Variants in OPRM1 observed in about 807,000 individuals in gnomAD.
The protein encoded by OPRM1 is mu-type opioid receptor.
A neutral mutation model predicts 31.8 loss-of-function variants in OPRM1; 27 were observed. The observed-to-expected ratio is 0.85, with a 90% confidence interval of 0.63 to 1.17. OPRM1 has a LOEUF of 1.17. Among genes scored for constraint, OPRM1 ranks in the 50% most tolerant of loss-of-function variants. OPRM1 has a pLI of 0.00. For synonymous variants in OPRM1, 196 were observed against 189.9 expected (o/e 1.03, Z -0.26); for missense variants, 536 against 511.1 (o/e 1.05, Z -0.47).
chr6:154,068,533 A>T lies in OPRM1; in HGVS notation c.291-21293A>T, dbSNP rs186331515. Among the ~76,000 whole-genome samples, 6 of 151,506 alleles carry T rather than the reference A, an allele frequency of 4.0e-5. No individual in the cohort carries two copies. In the East Asian group the frequency reaches 1.2e-3, roughly 29 times the overall value. ...TTGACCCACGGTCACAAATGACAGG[A>T]CTCCCTTCTTTTTTATGGCTAAGTC... On this transcript the variant is annotated intron_variant, in intron 1 of 3. Transcript: ENST00000330432.
intron 3 of OPRM1, among the ~76,000 whole-genome samples, chr6:154,138,704 T>G (rs745744501): frequency 2.0e-5 from 3 of 152,228 alleles, no homozygotes; most frequent in Admixed American, 6.5e-5. Flanking sequence ...TTAGAGTTTA[T>G]AGTTTAAAAC....
chr6:154,070,620 G>T (rs1434130920), intron 1 of OPRM1, among the ~76,000 whole-genome samples: 1 of 152,054 alleles, frequency 6.6e-6, no homozygotes, highest in African/African-American at 2.4e-5. Flanking sequence ...ATAATTTTTT[G>T]GTAATATCTT....
At chr6:154,199,044 TA>T (rs1389140078) in intron 3 of OPRM1, among the ~76,000 whole-genome samples, 1 of 152,248 alleles carries the variant, frequency 6.6e-6, no homozygotes, top group Non-Finnish European at 1.5e-5. Context: ...GAGTATTTTT[TA>T]AACCTCATAT....
rs528685563 is a variant in OPRM1, at chr6:154,110,819, G to A, written c.1165-7864G>A. 4.7e-4 allele frequency among the ~76,000 whole-genome samples: 67 copies of A among 144,008 alleles called. 1 individual carries two copies. Among genetic ancestry groups the A allele is most frequent in the African/African-American group, 1.4e-3 (55 of 39,412 alleles). The allele number at this position is 144,008 out of a possible 152,430, so 94.5% of individuals were successfully genotyped here. On this transcript the variant is annotated intron_variant, in intron 3 of 3. Coordinates refer to ENST00000330432, the MANE Select transcript of OPRM1 (RefSeq NM_000914.5). ...GGAGAATGGCGTGAACCCGTGAGGC[G>A]GAGCTTGCAGTGAGCAGAGATCGCG...
chr6:154,215,045 A>T (rs1458605281), intron 3 of OPRM1, among the ~76,000 whole-genome samples: 1 of 152,144 alleles, frequency 6.6e-6, no homozygotes, highest in Non-Finnish European at 1.5e-5. Flanking sequence ...ATAATTTTCT[A>T]CTTATTGGGA....
At position 154,039,507 on chromosome 6, in the gene OPRM1, C is replaced by T. The variant is rs9282815; in HGVS notation, c.-38C>T. On this transcript the variant is annotated 5_prime_UTR_variant, in exon 1 of 4. Coordinates refer to ENST00000330432, the MANE Select transcript of OPRM1 (RefSeq NM_000914.5). The stretch of plus-strand genomic sequence containing the variant: ...ACCCGAAAAGTCTCGGTGCTCCTGG[C>T]TACCTCGCACAGCGGTGCCCGCCCG... 1.3e-6 allele frequency: 2 copies of T among 1,583,092 alleles called. No homozygotes were observed. The highest frequency in any genetic ancestry group is 1.1e-5 in the South Asian group (1 of 86,974).
intron 3 of OPRM1, among the ~76,000 whole-genome samples, chr6:154,198,339 A>G (rs1273335640): frequency 6.6e-6 from 1 of 152,314 alleles, no homozygotes; most frequent in East Asian, 1.9e-4. Context: ...CTCACAGTCC[A>G]ATCTTCAGCC....
At chr6:154,058,943 G>GAATTCA (rs1233360721) in intron 1 of OPRM1, among the ~76,000 whole-genome samples, 2 of 152,186 alleles carry the variant, frequency 1.3e-5, no homozygotes, top group African/African-American at 4.8e-5. Context: ...GTAAATGATG[G>GAATTCA]AAGTCAGATT....
At chr6:154,108,829 G>A (rs755425594) in intron 3 of OPRM1, 25 of 984,970 alleles carry the variant, frequency 2.5e-5, no homozygotes, top group Middle Eastern at 1.0e-3. Context: ...TGATAACCTC[G>A]GTGATAAGAT....
intron 3 of OPRM1, among the ~76,000 whole-genome samples, chr6:154,149,130 T>G (rs1336368184): frequency 6.6e-6 from 1 of 152,172 alleles, no homozygotes; most frequent in Non-Finnish European, 1.5e-5. Flanking sequence ...TACCTGAGAC[T>G]GGGTAATTTA....
chr6:154,100,178 C>T lies in OPRM1; in HGVS notation c.1164+8706C>T, dbSNP rs1444133394. Among the ~76,000 whole-genome samples, 173 of 116,626 alleles carry T rather than the reference C, an allele frequency of 1.5e-3. 3 individuals are homozygous for T. The highest frequency in any genetic ancestry group is 6.2e-3 in the African/African-American group (162 of 26,192). 76.5% of individuals were successfully genotyped at this position (116,626 alleles called of 152,430 possible). ...TATGACGTATCATAATATATATTAT[C>T]ATATTATGACATATCATAATATATA... On this transcript the variant is annotated intron_variant, in intron 3 of 3. Coordinates refer to ENST00000330432, the MANE Select transcript of OPRM1 (RefSeq NM_000914.5).
chr6:154,135,247 T>A (rs1354316561), downstream of OPRM1, among the ~76,000 whole-genome samples: 1 of 152,148 alleles, frequency 6.6e-6, no homozygotes, highest in Non-Finnish European at 1.5e-5. Context: ...GGCGGGTGGA[T>A]CACCTGAGGT....
chr6:154,129,840 C>A lies in OPRM1; in HGVS notation c.*11119C>A, dbSNP rs1797786506. ...TTTAAGCGTACTTTACCACCGACACCCTCCCCCCCCAGCACACACACACAC... is the reference window on the plus strand; with the variant it reads ...TTTAAGCGTACTTTACCACCGACACACTCCCCCCCCAGCACACACACACAC... On this transcript the variant is annotated 3_prime_UTR_variant, in exon 4 of 4. Transcript: ENST00000330432. Among the ~76,000 whole-genome samples the A allele has an allele frequency of 7.3e-6, 1 of 136,880 alleles. No homozygotes were observed. The highest frequency in any genetic ancestry group is 1.6e-5 in the Non-Finnish European group (1 of 64,054). 89.8% of individuals were successfully genotyped at this position (136,880 alleles called of 152,430 possible).
At chr6:154,100,139 A>G (rs1335970717) in intron 3 of OPRM1, among the ~76,000 whole-genome samples, 2 of 100,148 alleles carry the variant, frequency 2.0e-5, no homozygotes, top group African/African-American at 7.8e-5. Context: ...GACATATAAT[A>G]TATATTATCA....
At chr6:154,203,857 C>T (rs1777270583) in intron 3 of OPRM1, among the ~76,000 whole-genome samples, 1 of 152,190 alleles carries the variant, frequency 6.6e-6, no homozygotes, top group Non-Finnish European at 1.5e-5. Context: ...GTTATTCAGC[C>T]TCTGGGGGAG....
intron 3 of OPRM1, among the ~76,000 whole-genome samples, chr6:154,153,202 G>A (rs1178517586): frequency 6.6e-6 from 1 of 152,188 alleles, no homozygotes; most frequent in Non-Finnish European, 1.5e-5. Flanking sequence ...TCTGGGAGGT[G>A]TTGCTGGTCC....
intron 1 of OPRM1, among the ~76,000 whole-genome samples, chr6:154,019,312 TCACACACACA>T (rs146861614): frequency 1.4e-5 from 2 of 147,834 alleles, no homozygotes; most frequent in Admixed American, 1.4e-4. Context: ...CATTGCTCCC[TCACACACACA>T]CACACACACA....
intron 3 of OPRM1, chr6:154,158,927 T>TAAAG (rs973959859): frequency 6.6e-6 from 1 of 152,138 alleles, no homozygotes; most frequent in African/African-American, 2.4e-5. Context: ...TTTTTTTGAG[T>TAAAG]AAAGATATTA....
intron 3 of OPRM1, chr6:154,107,939 G>T: frequency 3.6e-6 from 2 of 553,558 alleles, no homozygotes; most frequent in South Asian, 2.5e-5. Flanking sequence ...TTACAGAGGA[G>T]ATAAACACTG....
Sources: allele counts gnomAD v4.1 joint callset (sites outside exome capture counted in the v4.1 genomes callset), GRCh38; gene constraint gnomAD v4.1.1; transcripts MANE v1.5; gene names NCBI Gene and HGNC (gene_info 2026-07-23, HGNC 2026-07-21).